The following MEF2C variants were observed in gnomAD, a reference collection of about 807,000 sequenced individuals.
MEF2C encodes myocyte enhancer factor 2C.
In MEF2C, 6 loss-of-function variants were observed where a neutral mutation model predicts 50.5. The observed-to-expected ratio is 0.12, with a 90% CI of 0.07 to 0.23. The LOEUF is 0.23. Among genes scored for constraint, MEF2C ranks in the 10% least tolerant of loss-of-function variants. The pLI is 1.00. For missense variants in MEF2C, 276 were observed against 605.0 expected, an observed-to-expected ratio of 0.46 and a Z score of 5.70; for synonymous variants, 183 against 228.0, an observed-to-expected ratio of 0.80 and a Z score of 1.78.
intron 8 of MEF2C, chr5:88,729,599 A>AT: frequency 2.2e-6 from 1 of 445,960 alleles, no homozygotes; most frequent in South Asian, 2.3e-5. Context: ...CCATAGCTTT[A>AT]TTATGGGTAA....
chr5:88,768,740 T>C, intron 3 of MEF2C: 3 of 971,212 alleles, frequency 3.1e-6, no homozygotes, highest in Non-Finnish European at 3.7e-6. Flanking sequence ...ATTTTGCAAC[T>C]GCAATCTCTT....
At chr5:88,727,116 G>A (rs1177270459) in intron 10 of MEF2C, among the ~76,000 whole-genome samples, 2 of 152,036 alleles carry the variant, frequency 1.3e-5, no homozygotes, top group African/African-American at 2.4e-5. Context: ...TTGCCTGGAT[G>A]GAATTATGTG....
intron 1 of MEF2C, among the ~76,000 whole-genome samples, chr5:88,853,249 TA>T (rs967855044): frequency 6.6e-6 from 1 of 151,844 alleles, no homozygotes; most frequent in South Asian, 2.1e-4. Context: ...CATTTGTTTT[TA>T]AAAAAAAGTA....
chr5:88,750,665 A>T (rs955625224), intron 5 of MEF2C, among the ~76,000 whole-genome samples: 7 of 152,366 alleles, frequency 4.6e-5, no homozygotes, highest in African/African-American at 1.7e-4. Context: ...CTGAAAATTC[A>T]TACGAAAATT....
At chr5:88,858,081 AATTT>A (rs1824121295) in intron 1 of MEF2C, among the ~76,000 whole-genome samples, 1 of 152,198 alleles carries the variant, frequency 6.6e-6, no homozygotes, top group Non-Finnish European at 1.5e-5. Flanking sequence ...TCTTCCTATT[AATTT>A]AATTTTGACA....
intron 6 of MEF2C, among the ~76,000 whole-genome samples, chr5:88,745,283 T>G (rs1768859465): frequency 6.6e-6 from 1 of 152,222 alleles, no homozygotes; most frequent in South Asian, 2.1e-4. Context: ...GCAATCATAA[T>G]GCAATGAGAA....
intron 6 of MEF2C, chr5:88,742,493 C>A (rs1372697076): frequency 1.0e-6 from 1 of 978,216 alleles, no homozygotes; most frequent in Non-Finnish European, 1.2e-6. Flanking sequence ...CTTCACAGTA[C>A]TTTACTGTAG....
At chr5:88,860,414 C>A (rs1825100435) in intron 1 of MEF2C, among the ~76,000 whole-genome samples, 1 of 151,422 alleles carries the variant, frequency 6.6e-6, no homozygotes, top group Non-Finnish European at 1.5e-5. Flanking sequence ...GTGGATTTGT[C>A]CATTCTCTAT....
chr5:88,730,166 G>A lies in MEF2C; in HGVS notation c.834+45C>T, dbSNP rs762333338. On this transcript the variant is annotated intron_variant, in intron 8 of 10. Transcript: ENST00000504921. ...TCAAAGCTACCACCTCTACCTAAAA[G>A]TAGCTTTGCACATGCCATTTGAGGG... The A allele has an allele frequency of 1.3e-5, 21 of 1,560,328 alleles. No homozygotes were observed. The South Asian group carries it at 2.1e-4, about 16-fold the overall frequency.
At chr5:88,749,722 TG>T (rs1263386451) in intron 5 of MEF2C, among the ~76,000 whole-genome samples, 1 of 152,328 alleles carries the variant, frequency 6.6e-6, no homozygotes, top group African/African-American at 2.4e-5. Flanking sequence ...AATAAGGTAT[TG>T]AACATAAAAA....
In MEF2C at chr5:88,728,475, A is replaced by C; in HGVS notation, c.1100+18T>G. Reference sequence around the variant, plus strand: ...AAATACATTCTAAAATTATATTATAAAAAATAATATTGCTTACCCCAACTG... The same window carrying C: ...AAATACATTCTAAAATTATATTATACAAAATAATATTGCTTACCCCAACTG... On this transcript the variant is annotated intron_variant, in intron 10 of 10. Transcript: ENST00000504921. 7.1e-7 allele frequency: 1 copy of C among 1,414,060 alleles called. No individual in the cohort carries two copies. The highest frequency in any genetic ancestry group is 9.3e-7 in the Non-Finnish European group (1 of 1,076,794). The allele number at this position is 1,414,060 out of a possible 1,614,324, so 87.6% of individuals were successfully genotyped here. A position where few individuals can be genotyped will look rare whatever the true frequency, so the allele number is the denominator to read the frequency against.
chr5:88,849,762 C>T (rs1820613693), intron 1 of MEF2C, among the ~76,000 whole-genome samples: 1 of 151,800 alleles, frequency 6.6e-6, no homozygotes, highest in South Asian at 2.1e-4. Context: ...CATTTCACTC[C>T]AATACTTTTT....
At chr5:88,726,870 T>C (rs915009864) in intron 10 of MEF2C, among the ~76,000 whole-genome samples, 2 of 152,056 alleles carry the variant, frequency 1.3e-5, no homozygotes, top group Admixed American at 6.6e-5. Context: ...TGTAAAAATA[T>C]AAATTATCAG....
chr5:88,839,948 A>C (rs368010058), intron 1 of MEF2C, among the ~76,000 whole-genome samples: 1 of 152,200 alleles, frequency 6.6e-6, no homozygotes, highest in African/African-American at 2.4e-5. Flanking sequence ...AAATTTTGCC[A>C]TGTCAAAAAA....
chr5:88,735,465 G>C, intron 6 of MEF2C: 3 of 985,288 alleles, frequency 3.0e-6, no homozygotes, highest in Non-Finnish European at 3.6e-6. Flanking sequence ...AAGCAGGAGT[G>C]AATGGATTTC....
chr5:88,810,931 G>A (rs1238131690), intron 2 of MEF2C, among the ~76,000 whole-genome samples: 3 of 152,112 alleles, frequency 2.0e-5, no homozygotes, highest in Non-Finnish European at 4.4e-5. Context: ...TGAATCAAAT[G>A]AAGGTAATTT....
chr5:88,728,050 A>G (rs1053713894), intron 10 of MEF2C, among the ~76,000 whole-genome samples: 13 of 152,200 alleles, frequency 8.5e-5, no homozygotes, highest in African/African-American at 3.1e-4. Context: ...CTATGAGTAC[A>G]TTATAAATAC....
intron 6 of MEF2C, chr5:88,738,610 C>T: frequency 4.1e-6 from 4 of 985,152 alleles, no homozygotes; most frequent in Non-Finnish European, 4.8e-6. Flanking sequence ...TACACTGCTC[C>T]TTCAGAACCA....
chr5:88,856,523 C>A (rs1561358927), intron 1 of MEF2C, among the ~76,000 whole-genome samples: 1 of 152,220 alleles, frequency 6.6e-6, no homozygotes, highest in Non-Finnish European at 1.5e-5. Flanking sequence ...ATGTCAGAGA[C>A]CTTCATGGCA....
Sources: gnomAD v4.1 joint callset for allele counts (sites outside exome capture counted in the v4.1 genomes callset) on GRCh38, gnomAD v4.1.1 for gene constraint, MANE v1.5 for transcripts, NCBI Gene and HGNC (gene_info 2026-07-23, HGNC 2026-07-21) for gene names.